The following GCSH variants were observed in gnomAD, a reference collection of about 807,000 sequenced individuals.
GCSH encodes glycine cleavage system H protein, mitochondrial.
GCSH carries 15 observed loss-of-function variants against 21.3 expected under a neutral mutation model. The ratio of observed to expected loss-of-function variants is 0.70; its 90% CI spans 0.47 to 1.08. The LOEUF is 1.08. GCSH is among the 50% of genes least tolerant of loss of function. The probability of loss-of-function intolerance (pLI) is 0.00; values close to 1 mark genes in which losing one functional copy is unlikely to be tolerated. For missense variants in GCSH, 179 were observed against 217.5 expected (o/e 0.82, Z 1.11); for synonymous variants, 59 against 84.5 (o/e 0.70, Z 1.66).
chr16:81,088,211 C>G (rs1972323470), intron 2 of GCSH, among the ~76,000 whole-genome samples: 1 of 152,074 alleles, frequency 6.6e-6, no homozygotes, highest in African/African-American at 2.4e-5. Context: ...ATAGCTTGAG[C>G]CCAGGAGTTT....
chr16:81,084,134 C>T, intron 4 of GCSH: 1 of 440,144 alleles, frequency 2.3e-6, no homozygotes, highest in Non-Finnish European at 4.1e-6. Flanking sequence ...CACATTCCAC[C>T]ACAGCCAGCT....
intron 1 of GCSH, chr16:81,090,983 AATGTATACTT>A: frequency 2.1e-6 from 1 of 487,504 alleles, no homozygotes. Context: ...GCATATTTCA[AATGTATACTT>A]AACTATTACT....
chr16:81,083,080 A>C, intron 4 of GCSH, 117 bp from the exon 5 acceptor site: 1 of 763,266 alleles, frequency 1.3e-6, no homozygotes, highest in East Asian at 2.5e-5. Flanking sequence ...AAAACCATAC[A>C]TTATTTGTTC....
intron 4 of GCSH, chr16:81,083,286 G>C (rs1972207325): frequency 3.0e-6 from 1 of 333,050 alleles, no homozygotes; most frequent in South Asian, 2.7e-5. Flanking sequence ...GGGAAGCGAA[G>C]GCAAGCAAAT....
chr16:81,084,748 T>G (rs1972237959), intron 3 of GCSH, among the ~76,000 whole-genome samples, 154 bp from the exon 4 acceptor site: 2 of 149,774 alleles, frequency 1.3e-5, no homozygotes, highest in South Asian at 4.2e-4. Context: ...CTCGCTCTGT[T>G]GCCCAGGCTG....
rs1042516076 is a variant in GCSH at position 81,084,084 on chromosome 16, A to G, written c.424+379T>C. The G allele has an allele frequency of 5.2e-5, 17 of 326,232 alleles. No individual in the cohort carries two copies. In the East Asian group the frequency reaches 1.0e-3, roughly 19 times the overall value. 20.2% of individuals were successfully genotyped at this position (326,232 alleles called of 1,614,324 possible). The stretch of plus-strand genomic sequence containing the variant: ...AGCCTTGACCTCCCAGGTTCAAGCA[A>G]TTCTCCCACCTCAGCCTCCCTAGTA... On this transcript the variant is annotated intron_variant, in intron 4 of 4. Transcript: ENST00000315467.
At chr16:81,086,965 T>G (rs1208530120) in intron 3 of GCSH, among the ~76,000 whole-genome samples, 2 of 152,266 alleles carry the variant, frequency 1.3e-5, no homozygotes, top group Admixed American at 6.5e-5. Flanking sequence ...TCACTGTATG[T>G]AGATTTTACA....
chr16:81,095,377 ATTTTTTT>A (rs78295348), intron 1 of GCSH, among the ~76,000 whole-genome samples: 4 of 146,338 alleles, frequency 2.7e-5, no homozygotes, highest in African/African-American at 1.0e-4. Context: ...TGGCGCTTTA[ATTTTTTT>A]TTTTTTTTTT....
At chr16:81,094,080 G>T (rs999816872) in intron 1 of GCSH, among the ~76,000 whole-genome samples, 1 of 151,664 alleles carries the variant, frequency 6.6e-6, no homozygotes, top group South Asian at 2.1e-4. Context: ...TTGTATTTTT[G>T]GTAGAGACAG....
At chr16:81,086,564 T>TAAG (rs200477393) in intron 3 of GCSH, among the ~76,000 whole-genome samples, 5,558 of 149,630 alleles carry the variant, frequency 0.037, 279 homozygotes, top group African/African-American at 0.12. Flanking sequence ...CTCAAAAAAA[T>TAAG]AAGAAGAAAA....
intron 4 of GCSH, chr16:81,083,683 T>G (rs1311802637): frequency 1.3e-5 from 2 of 152,574 alleles, no homozygotes; most frequent in African/African-American, 4.8e-5. Context: ...AATCCTAGCT[T>G]TGCCATTTAT....
intron 1 of GCSH, among the ~76,000 whole-genome samples, chr16:81,095,307 T>TG (rs538639042): frequency 1.3e-5 from 2 of 152,008 alleles, no homozygotes; most frequent in Non-Finnish European, 2.9e-5. Flanking sequence ...TTACTTGTTT[T>TG]GGGGAAATAG....
Position 81,087,635 on chromosome 16 carries a change from A to T in GCSH, c.258T>A (p.Ser86Arg), listed in dbSNP as rs1212591497. The change falls in exon 3 of 5, where the codon AGT (serine) becomes AGA (arginine). Residue 86 changes from serine to arginine, a missense_variant. Transcript: ENST00000315467. ...QEALGDVVYC[S>R]LPEVGTKLNK... ...TCAATTTTGTCCCAACTTCAGGGAG[A>T]CTACAATAAACAACATCTCCCAACG... 6.2e-7 allele frequency: 1 copy of T among 1,612,376 alleles called. No individual in the cohort carries two copies. The highest frequency in any genetic ancestry group is 8.5e-7 in the Non-Finnish European group (1 of 1,178,714).
intron 4 of GCSH, 112 bp downstream of exon 4, chr16:81,084,351 G>A (rs1312146216): frequency 7.3e-6 from 6 of 825,370 alleles, no homozygotes; most frequent in South Asian, 4.2e-5. Flanking sequence ...TCTCTATTTA[G>A]TACCAAGAAG....
chr16:81,087,496 CAA>C (rs373753780), intron 3 of GCSH, 103 bp downstream of exon 3: 1,512 of 705,164 alleles, frequency 2.1e-3, no homozygotes, highest in Admixed American at 2.4e-3. Flanking sequence ...AGACTGTCTC[CAA>C]AAAAAAAAAA....
intron 1 of GCSH, among the ~76,000 whole-genome samples, chr16:81,092,488 C>T (rs191948381): frequency 2.0e-5 from 3 of 152,244 alleles, no homozygotes; most frequent in Non-Finnish European, 4.4e-5. Context: ...TGCGTGTAAT[C>T]CCAGCACTTT....
intron 4 of GCSH, chr16:81,084,237 C>T: frequency 1.6e-6 from 1 of 606,068 alleles, no homozygotes; most frequent in Non-Finnish European, 2.9e-6. Flanking sequence ...CCTTGGCCTC[C>T]CAAAGTGCTG....
intron 4 of GCSH, 21 bp downstream of exon 4, chr16:81,084,442 A>T (rs931876119): frequency 6.3e-7 from 1 of 1,589,048 alleles, no homozygotes; most frequent in Admixed American, 1.7e-5. Context: ...ATTCCTTGAG[A>T]AATTTCTAGC....
chr16:81,086,540 G>C lies in GCSH; in HGVS notation c.292+1061C>G, dbSNP rs748994435. On this transcript the variant is annotated intron_variant, in intron 3 of 4. Transcript: ENST00000315467. ...CCATCGCATTCCAGCCTGGGCAACA[G>C]AGCAAGACTCCGTCTCAAAAAAATA... 8.6e-5 allele frequency among the ~76,000 whole-genome samples: 13 copies of C among 151,920 alleles called. No individual in the cohort carries two copies. In the East Asian group the frequency reaches 1.4e-3, roughly 16 times the overall value.
Sources: gnomAD v4.1 joint callset for allele counts (sites outside exome capture counted in the v4.1 genomes callset) on GRCh38, gnomAD v4.1.1 for gene constraint, MANE v1.5 for transcripts, NCBI Gene and HGNC (gene_info 2026-07-23, HGNC 2026-07-21) for gene names.